HMCN1: variants seen among roughly 807,000 people sequenced by gnomAD.
HMCN1 encodes hemicentin-1.
In HMCN1, 321 loss-of-function variants were observed where a neutral mutation model predicts 625.9. That is an observed-to-expected ratio of 0.51 (90% CI 0.47 to 0.56). HMCN1 has a LOEUF of 0.56. Among genes scored for constraint, HMCN1 ranks in the 20% least tolerant of loss-of-function variants. The pLI, the probability that HMCN1 is intolerant of heterozygous loss-of-function variation, is 0.00. For missense variants in HMCN1, 6,588 were observed against 6,887.3 expected (o/e 0.96, Z 1.54); for synonymous variants, 2,425 against 2,417.6 (o/e 1.00, Z -0.09).
chr1:185,869,483 C>T (rs774587029), intron 4 of HMCN1, among the ~76,000 whole-genome samples: 7 of 151,962 alleles, frequency 4.6e-5, no homozygotes, highest in African/African-American at 4.8e-5. Context: ...ACTGTGCCAT[C>T]ATGTTTGCTA....
At chr1:185,962,080 AAAAG>A (rs1451657489) in intron 11 of HMCN1, among the ~76,000 whole-genome samples, 1 of 152,230 alleles carries the variant, frequency 6.6e-6, no homozygotes, top group Non-Finnish European at 1.5e-5. Flanking sequence ...CAAATAAATA[AAAAG>A]AAAGATCAGG....
chr1:185,747,539 C>T (rs1194389887), intron 1 of HMCN1, among the ~76,000 whole-genome samples: 2 of 152,070 alleles, frequency 1.3e-5, no homozygotes, highest in Non-Finnish European at 2.9e-5. Flanking sequence ...AGGCTGGTCT[C>T]GAACTCCTGA....
chr1:186,089,000 C>G (rs1659688937), intron 63 of HMCN1, among the ~76,000 whole-genome samples: 1 of 151,908 alleles, frequency 6.6e-6, no homozygotes, highest in Non-Finnish European at 1.5e-5. Context: ...TCCATTTCCA[C>G]TTCCATTATT....
intron 97 of HMCN1, among the ~76,000 whole-genome samples, chr1:186,159,115 G>T: frequency 6.6e-6 from 1 of 151,516 alleles, no homozygotes; most frequent in East Asian, 1.9e-4. Context: ...ATTGAGCAGT[G>T]GTTTGTAGTT....
chr1:185,931,091 T>C (rs1045868847), intron 10 of HMCN1, among the ~76,000 whole-genome samples: 3 of 152,142 alleles, frequency 2.0e-5, no homozygotes, highest in Admixed American at 6.6e-5. Context: ...ACCTTATCAT[T>C]TGATAGCTAA....
In HMCN1 at chr1:186,048,822, A is replaced by T. The variant is rs138702288; in HGVS notation, c.6560A>T (p.Tyr2187Phe). 1.9e-6 allele frequency: 3 copies of T among 1,606,004 alleles called. No homozygotes were observed. The highest frequency in any genetic ancestry group is 2.6e-6 in the Non-Finnish European group (3 of 1,173,684). Residue 2187 changes from tyrosine to phenylalanine, a missense_variant, in exon 42 of 107, where the codon TAC becomes TTC. Tyr to Phe is a conservative substitution (Grantham distance 22, BLOSUM62 3). Transcript: ENST00000271588. ...GTTGCTGGAAAAACTGAAAAAAACT[A>T]CAATGTCAACATTTGGGGTAAGTGT... The part of the protein sequence containing the change: ...TNVAGKTEKN[Y>F]NVNIWVPPNI...
chr1:185,807,105 A>T (rs1557984403), intron 1 of HMCN1, among the ~76,000 whole-genome samples: 1 of 150,970 alleles, frequency 6.6e-6, no homozygotes, highest in South Asian at 2.1e-4. Context: ...ATTATAATAT[A>T]AAAAAAGCAG....
chr1:185,786,409 C>G (rs1017646339), intron 1 of HMCN1, among the ~76,000 whole-genome samples: 1 of 152,032 alleles, frequency 6.6e-6, no homozygotes, highest in African/African-American at 2.4e-5. Context: ...ATTATTTGGC[C>G]AATAAGAAAC....
intron 4 of HMCN1, among the ~76,000 whole-genome samples, chr1:185,879,113 G>C (rs1664133548): frequency 6.6e-6 from 1 of 152,114 alleles, no homozygotes; most frequent in Admixed American, 6.5e-5. Flanking sequence ...TTTCATAATT[G>C]CCTTCCCAGT....
chr1:185,744,555 A>T (rs1654254540), intron 1 of HMCN1, among the ~76,000 whole-genome samples: 2 of 152,180 alleles, frequency 1.3e-5, no homozygotes, highest in Admixed American at 1.3e-4. Context: ...TTTGTCAGGG[A>T]CTGTGCTAGG....
chr1:186,125,632 A>G lies in HMCN1; in HGVS notation c.12528A>G (p.Gly4176=). The part of the protein sequence containing the change: ...HVPPRIRSTE[G]HYTVNENSQA... ...CACCCAGGATCAGAAGTACAGAAGGACACTACACGGTCAATGAGAATTCAC... is the reference window on the plus strand; with the variant it reads ...CACCCAGGATCAGAAGTACAGAAGGGCACTACACGGTCAATGAGAATTCAC... The change falls in exon 82 of 107, where the codon GGA becomes GGG. Residue 4176 remains glycine (G), a synonymous_variant. Coordinates refer to ENST00000271588, the MANE Select transcript of HMCN1 (RefSeq NM_031935.3). 1 of 1,613,336 alleles carries G rather than the reference A, an allele frequency of 6.2e-7. No homozygotes were observed. Among genetic ancestry groups the G allele is most frequent in the Non-Finnish European group, 8.5e-7 (1 of 1,179,384 alleles).
At chr1:185,831,422 A>G (rs1281380063) in intron 1 of HMCN1, among the ~76,000 whole-genome samples, 1 of 152,180 alleles carries the variant, frequency 6.6e-6, no homozygotes, top group African/African-American at 2.4e-5. Context: ...ATCTGTTTCA[A>G]TCTCAAATCC....
intron 68 of HMCN1, among the ~76,000 whole-genome samples, chr1:186,101,886 A>G (rs1660399533): frequency 6.6e-6 from 1 of 152,160 alleles, no homozygotes; most frequent in Admixed American, 6.6e-5. Context: ...AAAATGAAAA[A>G]GCATAGACAT....
intron 4 of HMCN1, among the ~76,000 whole-genome samples, chr1:185,893,092 C>T (rs1334167060): frequency 6.6e-6 from 1 of 152,196 alleles, no homozygotes; most frequent in Non-Finnish European, 1.5e-5. Flanking sequence ...GTCCGTTACC[C>T]CTTTCTTTGA....
intron 1 of HMCN1, among the ~76,000 whole-genome samples, chr1:185,830,048 T>C (rs147112412): frequency 1.6e-3 from 243 of 152,342 alleles, no homozygotes; most frequent in African/African-American, 5.7e-3. Flanking sequence ...ATGTCTTCTT[T>C]GGAGAAGTGT....
At chr1:186,125,532 T>C in intron 81 of HMCN1, 72 bp from the exon 82 acceptor site, 1 of 1,200,848 alleles carries the variant, frequency 8.3e-7, no homozygotes, top group East Asian at 2.3e-5. Flanking sequence ...TTTTTATGTG[T>C]TAATTTTTAT....
intron 1 of HMCN1, among the ~76,000 whole-genome samples, chr1:185,781,779 A>G (rs1248731870): frequency 6.6e-6 from 1 of 152,166 alleles, no homozygotes; most frequent in Non-Finnish European, 1.5e-5. Flanking sequence ...TATGTGGTCA[A>G]TTTTGGAATA....
At chr1:186,132,224 C>T (rs1661975751) in intron 85 of HMCN1, 104 bp from the exon 86 acceptor site, 5 of 800,714 alleles carry the variant, frequency 6.2e-6, no homozygotes, top group South Asian at 5.8e-5. Flanking sequence ...ATTAAAATTC[C>T]TTCTCAAAAA....
intron 17 of HMCN1, among the ~76,000 whole-genome samples, chr1:185,981,696 C>T (rs1300709164): frequency 6.6e-6 from 1 of 152,058 alleles, no homozygotes. Flanking sequence ...AGTCTACATA[C>T]ACGTTTTCCA....
Sources: gnomAD v4.1 joint callset for allele counts (sites outside exome capture counted in the v4.1 genomes callset) on GRCh38, gnomAD v4.1.1 for gene constraint, MANE v1.5 for transcripts, NCBI Gene and HGNC (gene_info 2026-07-23, HGNC 2026-07-21) for gene names.